The following CTNND2 variants were observed in gnomAD, a reference collection of about 807,000 sequenced individuals.
CTNND2 encodes the protein catenin delta 2.
CTNND2 carries 22 observed loss-of-function variants against 144.4 expected under a neutral mutation model. The observed-to-expected ratio is 0.15, with a 90% CI of 0.11 to 0.22. CTNND2 has a LOEUF of 0.22. CTNND2 is among the 10% of genes least tolerant of loss of function. The pLI, the probability that CTNND2 is intolerant of heterozygous loss-of-function variation, is 1.00. For missense variants in CTNND2, 1,353 were observed against 1,618.8 expected (o/e 0.84, Z 2.82); for synonymous variants, 751 against 695.6 (o/e 1.08, Z -1.25).
intron 2 of CTNND2, among the ~76,000 whole-genome samples, chr5:11,719,943 A>G (rs538103802): frequency 4.6e-5 from 7 of 152,124 alleles, no homozygotes; most frequent in African/African-American, 1.7e-4. Context: ...TTAGAAAAGG[A>G]TAATATATTT....
chr5:11,581,715 C>T (rs1413745875), intron 2 of CTNND2, among the ~76,000 whole-genome samples: 1 of 152,116 alleles, frequency 6.6e-6, no homozygotes, highest in African/African-American at 2.4e-5. Flanking sequence ...ATAATCAAGA[C>T]AGGACAAGGA....
intron 2 of CTNND2, among the ~76,000 whole-genome samples, chr5:11,657,649 C>A (rs549580451): frequency 1.3e-5 from 2 of 152,232 alleles, no homozygotes; most frequent in African/African-American, 4.8e-5. Flanking sequence ...ACTGACAATA[C>A]AAATTGCAAT....
Position 11,876,096 on chromosome 5 carries a change from T to C in CTNND2, c.37+27721A>G, listed in dbSNP as rs141706431. Among the ~76,000 whole-genome samples, 1,325 of 152,282 alleles carry C rather than the reference T, an allele frequency of 8.7e-3. 64 individuals are homozygous for C. Among genetic ancestry groups the C allele is most frequent in the Admixed American group, 0.072 (1,106 of 15,298 alleles). On this transcript the variant is annotated intron_variant, in intron 1 of 21. Transcript: ENST00000304623. ...AAGATCTTCAACCTGGTGCTATTCA[T>C]ACAAAGAAGTGGAAGACACGATCAT...
At chr5:11,022,656 A>C in intron 17 of CTNND2, 113 bp downstream of exon 17, 1 of 798,484 alleles carries the variant, frequency 1.3e-6, no homozygotes, top group Non-Finnish European at 2.1e-6. Flanking sequence ...CTTGATTCTC[A>C]GAGACAAATG....
chr5:11,524,888 C>T (rs575502914), intron 3 of CTNND2, among the ~76,000 whole-genome samples: 1 of 152,106 alleles, frequency 6.6e-6, no homozygotes, highest in East Asian at 1.9e-4. Flanking sequence ...CAATGTTGTC[C>T]TTTTACTTGA....
At chr5:11,688,078 C>A (rs756054152) in intron 2 of CTNND2, among the ~76,000 whole-genome samples, 20 of 152,134 alleles carry the variant, frequency 1.3e-4, no homozygotes, top group Admixed American at 7.2e-4. Context: ...TGGAGCAGAT[C>A]ATAGTGGTTT....
intron 1 of CTNND2, among the ~76,000 whole-genome samples, chr5:11,864,526 C>G (rs1795650363): frequency 6.6e-6 from 1 of 152,206 alleles, no homozygotes; most frequent in Non-Finnish European, 1.5e-5. Context: ...CAGCACCTGG[C>G]TGACTCTCCA....
chr5:11,702,697 A>G (rs56983654), intron 2 of CTNND2, among the ~76,000 whole-genome samples: 1,799 of 152,288 alleles, frequency 0.012, 29 homozygotes, highest in African/African-American at 0.042. Flanking sequence ...CTATCTGCTA[A>G]TCCCTTCATA....
At chr5:11,377,318 G>A (rs1758039497) in intron 7 of CTNND2, among the ~76,000 whole-genome samples, 2 of 152,038 alleles carry the variant, frequency 1.3e-5, no homozygotes, top group Admixed American at 6.6e-5. Context: ...GCTTCCCAAA[G>A]TGCTGGGATT....
intron 2 of CTNND2, among the ~76,000 whole-genome samples, chr5:11,710,539 C>CAAA (rs1197887467): frequency 1.5e-5 from 1 of 68,776 alleles, no homozygotes; most frequent in Non-Finnish European, 3.1e-5. Context: ...GACTCCATCT[C>CAAA]AAAAAAAAAA....
chr5:11,148,847 A>T (rs1580422257), intron 12 of CTNND2, among the ~76,000 whole-genome samples: 2 of 152,314 alleles, frequency 1.3e-5, no homozygotes, highest in East Asian at 3.9e-4. Flanking sequence ...AAGCCCTGGC[A>T]TTGGTTTCTT....
At chr5:11,699,668 T>C (rs76606379) in intron 2 of CTNND2, among the ~76,000 whole-genome samples, 3,355 of 152,286 alleles carry the variant, frequency 0.022, 46 homozygotes, top group East Asian at 0.057. Context: ...AAAAATACTG[T>C]AGCCCAACTC....
intron 12 of CTNND2, among the ~76,000 whole-genome samples, chr5:11,137,787 A>G (rs1222499013): frequency 6.6e-6 from 1 of 152,234 alleles, no homozygotes; most frequent in Non-Finnish European, 1.5e-5. Flanking sequence ...GCTCATGGGA[A>G]ATATTTAAGT....
chr5:11,676,167 C>T (rs1279793271), intron 2 of CTNND2, among the ~76,000 whole-genome samples: 1 of 152,022 alleles, frequency 6.6e-6, no homozygotes, highest in Non-Finnish European at 1.5e-5. Flanking sequence ...TACTGTTTTC[C>T]TAACTTTACT....
At chr5:11,416,126 G>T (rs1428386557) in intron 3 of CTNND2, among the ~76,000 whole-genome samples, 2 of 152,198 alleles carry the variant, frequency 1.3e-5, no homozygotes, top group Non-Finnish European at 2.9e-5. Context: ...AGAGTTGGAA[G>T]AAAATGTCCG....
chr5:11,732,277 A>C lies in CTNND2; in HGVS notation c.38-5T>G, dbSNP rs751691986. 3.1e-6 allele frequency: 5 copies of C among 1,613,276 alleles called. No homozygotes were observed. The highest frequency in any genetic ancestry group is 4.2e-6 in the Non-Finnish European group (5 of 1,179,462). ...GGTCTGGAACAGGCATAGCTCCTGC[A>C]AGGCAAGAGGACATGATCAATACAA... On this transcript the variant is annotated splice_region_variant and splice_polypyrimidine_tract_variant and intron_variant, in intron 1 of 21. Transcript: ENST00000304623.
intron 8 of CTNND2, among the ~76,000 whole-genome samples, chr5:11,363,776 G>A (rs1335910964): frequency 1.3e-5 from 2 of 152,194 alleles, no homozygotes; most frequent in Non-Finnish European, 2.9e-5. Context: ...GTGGTCACTA[G>A]AAATTCCAGT....
chr5:11,457,791 T>C (rs1765862554), intron 3 of CTNND2, among the ~76,000 whole-genome samples: 1 of 152,208 alleles, frequency 6.6e-6, no homozygotes. Flanking sequence ...ACATGGCCCA[T>C]CAGTTCTTTG....
chr5:10,979,677 T>C (rs1736972256), intron 21 of CTNND2, among the ~76,000 whole-genome samples: 1 of 152,182 alleles, frequency 6.6e-6, no homozygotes, highest in African/African-American at 2.4e-5. Context: ...CTCTCTCAGA[T>C]TGGTTCCTTA....
Sources: allele counts gnomAD v4.1 joint callset (sites outside exome capture counted in the v4.1 genomes callset), GRCh38; gene constraint gnomAD v4.1.1; transcripts MANE v1.5; gene names NCBI Gene and HGNC (gene_info 2026-07-23, HGNC 2026-07-21).